The following ANKFN1 variants were observed in gnomAD, a reference collection of about 807,000 sequenced individuals.
ANKFN1 encodes ankyrin repeat and fibronectin type III domain containing 1.
In ANKFN1, 74 loss-of-function variants were observed where a neutral mutation model predicts 108.7. The observed-to-expected ratio is 0.68, with a 90% CI of 0.56 to 0.83. The LOEUF (loss-of-function observed/expected upper bound fraction) is 0.83. ANKFN1 is among the 40% of genes least tolerant of loss of function. The pLI is 0.00. For missense variants in ANKFN1, 1,505 were observed against 1,382.3 expected (o/e 1.09, Z -1.41); for synonymous variants, 547 against 516.2 (o/e 1.06, Z -0.81).
At chr17:56,079,286 C>T (rs1905217153) in intron 4 of ANKFN1, among the ~76,000 whole-genome samples, 1 of 152,188 alleles carries the variant, frequency 6.6e-6, no homozygotes, top group Non-Finnish European at 1.5e-5. Flanking sequence ...TCCCAATGCA[C>T]TAAAACAGTT....
At chr17:56,495,702 A>G (rs1568050022) in intron 19 of ANKFN1, among the ~76,000 whole-genome samples, 1 of 152,172 alleles carries the variant, frequency 6.6e-6, no homozygotes, top group African/African-American at 2.4e-5. Flanking sequence ...TTGAGCTGCT[A>G]AAGCCTAAAG....
intron 4 of ANKFN1, among the ~76,000 whole-genome samples, chr17:56,078,203 C>T (rs55776154): frequency 0.083 from 12,654 of 152,174 alleles, 869 homozygotes; most frequent in African/African-American, 0.19. Flanking sequence ...GAGAGTAAGG[C>T]ACAGACCTGG....
chr17:56,167,326 T>C (rs974285073), intron 1 of ANKFN1, among the ~76,000 whole-genome samples: 84 of 145,396 alleles, frequency 5.8e-4, no homozygotes, highest in African/African-American at 1.6e-3. Context: ...CACATATATA[T>C]ATATATATAT....
chr17:56,441,014 TTAAC>T (rs1211004245), intron 9 of ANKFN1, among the ~76,000 whole-genome samples: 2 of 152,186 alleles, frequency 1.3e-5, no homozygotes. Context: ...GCTTATTTGT[TTAAC>T]TAATATAAAC....
Position 56,513,758 on chromosome 17 carries a change from G to T in ANKFN1, c.*2489G>T, listed in dbSNP as rs181401973. On this transcript the variant is annotated 3_prime_UTR_variant, in exon 21 of 21. Transcript: ENST00000682825. ...TTTTCATCTTCTGTGAGGAAAGAAG[G>T]CATGCCCACAAAAAGAATAATGCAT... Among the ~76,000 whole-genome samples the T allele has an allele frequency of 2.0e-5, 3 of 152,198 alleles. No homozygotes were observed. Among genetic ancestry groups the T allele is most frequent in the Non-Finnish European group, 4.4e-5 (3 of 68,034 alleles).
intron 18 of ANKFN1, among the ~76,000 whole-genome samples, chr17:56,486,617 A>T (rs910564296): frequency 6.6e-6 from 1 of 152,198 alleles, no homozygotes; most frequent in Admixed American, 6.5e-5. Flanking sequence ...CTCTCTAAGA[A>T]GGATGCTAAG....
chr17:56,487,539 A>G (rs1346568192), intron 18 of ANKFN1, among the ~76,000 whole-genome samples: 2 of 152,116 alleles, frequency 1.3e-5, no homozygotes, highest in African/African-American at 4.8e-5. Flanking sequence ...AAAAAAAACT[A>G]GGGAATTTTA....
intron 20 of ANKFN1, among the ~76,000 whole-genome samples, chr17:56,506,243 T>C (rs1007313674): frequency 2.9e-5 from 4 of 139,378 alleles, no homozygotes; most frequent in African/African-American, 1.1e-4. Flanking sequence ...CCCCAGTGTG[T>C]GATGTTCCCC....
intron 8 of ANKFN1, among the ~76,000 whole-genome samples, chr17:56,378,719 T>C (rs959349909): frequency 1.3e-5 from 2 of 152,286 alleles, no homozygotes; most frequent in Non-Finnish European, 1.5e-5. Flanking sequence ...AAATGTTACG[T>C]CCAGAGGACA....
At chr17:56,202,505 C>T (rs1050016542) in intron 1 of ANKFN1, among the ~76,000 whole-genome samples, 3 of 152,174 alleles carry the variant, frequency 2.0e-5, no homozygotes, top group African/African-American at 7.2e-5. Context: ...TCTGCCCCTA[C>T]TCTCCTCTCC....
At chr17:56,113,327 A>G (rs1906080732) in intron 4 of ANKFN1, among the ~76,000 whole-genome samples, 1 of 152,228 alleles carries the variant, frequency 6.6e-6, no homozygotes, top group Non-Finnish European at 1.5e-5. Flanking sequence ...ACAGAACCCA[A>G]AAAATGAAAG....
In ANKFN1 at chr17:56,318,773, T is replaced by C. The variant is rs561003044; in HGVS notation, c.54-7448T>C. ...GAGAATCTTATTGGAGTCAACGTCT[T>C]AGTTCTGAGTTAGGACTACTCATCC... is the stretch of plus-strand genomic sequence containing the variant. On this transcript the variant is annotated intron_variant, in intron 3 of 20. Coordinates refer to ENST00000682825, the MANE Select transcript of ANKFN1 (RefSeq NM_001370326.1). 2.6e-5 allele frequency among the ~76,000 whole-genome samples: 4 copies of C among 152,302 alleles called. No homozygotes were observed. The South Asian group carries it at 8.3e-4, about 32-fold the overall frequency.
At chr17:56,183,754 T>A (rs2143642247) in intron 1 of ANKFN1, among the ~76,000 whole-genome samples, 1 of 152,286 alleles carries the variant, frequency 6.6e-6, no homozygotes, top group South Asian at 2.1e-4. Context: ...GGTATATCTT[T>A]GTAACAATGC....
At chr17:56,415,055 T>G (rs1334169995) in intron 8 of ANKFN1, among the ~76,000 whole-genome samples, 1 of 151,750 alleles carries the variant, frequency 6.6e-6, no homozygotes, top group African/African-American at 2.4e-5. Flanking sequence ...AAATTGGGTA[T>G]AGAAGGAACA....
At chr17:56,128,234 C>CTT (rs34450862) in intron 4 of ANKFN1, among the ~76,000 whole-genome samples, 11 of 146,588 alleles carry the variant, frequency 7.5e-5, no homozygotes, top group Admixed American at 6.8e-4. Context: ...GCCAATAGCC[C>CTT]TTTTTTTTTT....
At chr17:56,478,682 G>C (rs2050593487) in intron 16 of ANKFN1, among the ~76,000 whole-genome samples, 1 of 136,190 alleles carries the variant, frequency 7.3e-6, no homozygotes, top group South Asian at 2.3e-4. Flanking sequence ...CATAAAAAAA[G>C]AAAGAGAAGA....
intron 8 of ANKFN1, among the ~76,000 whole-genome samples, chr17:56,431,515 C>G (rs761781035): frequency 6.6e-6 from 1 of 152,104 alleles, no homozygotes; most frequent in African/African-American, 2.4e-5. Flanking sequence ...ATTGTCCTCC[C>G]CATATCTATG....
chr17:56,149,132 G>A (rs1908442961), upstream of ANKFN1, among the ~76,000 whole-genome samples: 1 of 152,138 alleles, frequency 6.6e-6, no homozygotes, highest in African/African-American at 2.4e-5. Context: ...CAGTGGCGGG[G>A]TGGGTGAGAG....
At chr17:56,484,780 A>G (rs916742192) in intron 18 of ANKFN1, among the ~76,000 whole-genome samples, 9 of 152,260 alleles carry the variant, frequency 5.9e-5, no homozygotes, top group Admixed American at 4.6e-4. Context: ...AGAGCTAACC[A>G]GGATTCCATT....
Sources: allele counts gnomAD v4.1 joint callset (sites outside exome capture counted in the v4.1 genomes callset), GRCh38; gene constraint gnomAD v4.1.1; transcripts MANE v1.5; gene names NCBI Gene and HGNC (gene_info 2026-07-23, HGNC 2026-07-21).